NPAS3: variants seen among roughly 807,000 people sequenced by gnomAD.
The protein encoded by NPAS3 is neuronal PAS domain-containing protein 3.
A neutral mutation model predicts 73.1 loss-of-function variants in NPAS3; 14 were observed. That is an observed-to-expected ratio of 0.19 (90% CI 0.13 to 0.30). The LOEUF (loss-of-function observed/expected upper bound fraction) is 0.30, where lower values mean the gene tolerates loss of function less well. Among genes scored for constraint, NPAS3 ranks in the 10% least tolerant of loss-of-function variants. The pLI, the probability that NPAS3 is intolerant of heterozygous loss-of-function variation, is 1.00. For synonymous variants in NPAS3, 620 were observed against 541.5 expected (o/e 1.14, Z -2.01); for missense variants, 1,096 against 1,250.0 (o/e 0.88, Z 1.86).
chr14:33,077,507 G>A (rs2041699331), intron 2 of NPAS3, among the ~76,000 whole-genome samples: 1 of 152,060 alleles, frequency 6.6e-6, no homozygotes, highest in Admixed American at 6.5e-5. Flanking sequence ...TTGGATGAAA[G>A]GTTCTGTGAA....
chr14:33,194,393 C>T (rs142756934), intron 2 of NPAS3, among the ~76,000 whole-genome samples: 4 of 152,138 alleles, frequency 2.6e-5, no homozygotes, highest in South Asian at 2.1e-4. Context: ...GAACTTTGAG[C>T]GAAATATTAC....
chr14:33,580,473 G>A (rs1292072271), intron 5 of NPAS3, among the ~76,000 whole-genome samples: 1 of 152,132 alleles, frequency 6.6e-6, no homozygotes, highest in Non-Finnish European at 1.5e-5. Context: ...TATTTTAAAG[G>A]CCTAACTGTG....
chr14:33,028,995 G>A (rs1040291061), intron 1 of NPAS3, among the ~76,000 whole-genome samples: 7 of 152,058 alleles, frequency 4.6e-5, no homozygotes, highest in Admixed American at 4.6e-4. Flanking sequence ...CGCCCCTGAT[G>A]GGGGAGGTAT....
intron 2 of NPAS3, among the ~76,000 whole-genome samples, chr14:33,109,994 G>A (rs566650874): frequency 9.2e-5 from 14 of 151,526 alleles, no homozygotes; most frequent in Non-Finnish European, 1.6e-4. Context: ...GAACATTTAA[G>A]TACAACTCTA....
intron 1 of NPAS3, among the ~76,000 whole-genome samples, chr14:33,041,194 C>T (rs2040337006): frequency 6.6e-6 from 1 of 152,082 alleles, no homozygotes; most frequent in Non-Finnish European, 1.5e-5. Context: ...ATATTAATGG[C>T]CTCTAGTGAT....
At chr14:33,480,420 G>A (rs2051259135) in intron 4 of NPAS3, among the ~76,000 whole-genome samples, 2 of 152,248 alleles carry the variant, frequency 1.3e-5, no homozygotes, top group South Asian at 4.1e-4. Context: ...GATTAGTTCT[G>A]AAAAGGCAGA....
At chr14:32,946,463 A>T (rs991532657) in intron 1 of NPAS3, among the ~76,000 whole-genome samples, 1 of 151,854 alleles carries the variant, frequency 6.6e-6, no homozygotes, top group African/African-American at 2.4e-5. Context: ...GGTTGGTCTG[A>T]TACATAACAG....
chr14:33,249,909 C>CACAT, intron 3 of NPAS3, among the ~76,000 whole-genome samples: 1 of 141,256 alleles, frequency 7.1e-6, no homozygotes, highest in Middle Eastern at 3.7e-3. Flanking sequence ...ATCTGTCATA[C>CACAT]ACACACACAC....
At chr14:33,170,089 A>G (rs556682119) in intron 2 of NPAS3, among the ~76,000 whole-genome samples, 9 of 152,302 alleles carry the variant, frequency 5.9e-5, no homozygotes, top group Non-Finnish European at 8.8e-5. Flanking sequence ...ATGTGAGTAG[A>G]TGAATTAAAA....
At chr14:33,662,859 TGGGG>T (rs1397379020) in intron 5 of NPAS3, among the ~76,000 whole-genome samples, 5 of 144,298 alleles carry the variant, frequency 3.5e-5, no homozygotes, top group Non-Finnish European at 1.5e-5. Flanking sequence ...GCTGAGACAA[TGGGG>T]TTTTCCTTTT....
chr14:33,158,960 C>T (rs930032490), intron 2 of NPAS3, among the ~76,000 whole-genome samples: 1 of 152,002 alleles, frequency 6.6e-6, no homozygotes, highest in African/African-American at 2.4e-5. Context: ...GTCAGGAGTT[C>T]GAGACCAGCC....
At chr14:33,558,368 C>A (rs574775641) in intron 4 of NPAS3, among the ~76,000 whole-genome samples, 45 of 151,938 alleles carry the variant, frequency 3.0e-4, no homozygotes, top group Non-Finnish European at 4.6e-4. Context: ...TCAAGTGATT[C>A]TTGTGCCTCA....
intron 3 of NPAS3, among the ~76,000 whole-genome samples, chr14:33,243,773 A>C (rs1258338987): frequency 6.6e-6 from 1 of 152,094 alleles, no homozygotes; most frequent in Non-Finnish European, 1.5e-5. Context: ...CCAATTAAAA[A>C]AAAAAAAGTA....
At chr14:33,280,246 G>T (rs1245555470) in intron 3 of NPAS3, among the ~76,000 whole-genome samples, 1 of 152,064 alleles carries the variant, frequency 6.6e-6, no homozygotes, top group East Asian at 1.9e-4. Context: ...CCTTTTGGGT[G>T]ACAAATTGTA....
intron 5 of NPAS3, among the ~76,000 whole-genome samples, chr14:33,650,849 T>C (rs1237374115): frequency 6.6e-6 from 1 of 152,204 alleles, no homozygotes; most frequent in Non-Finnish European, 1.5e-5. Flanking sequence ...TCAAAGGACT[T>C]GGGTCCTTGT....
Position 33,323,515 on chromosome 14 carries a change from G to A in NPAS3, c.386-43671G>A, listed in dbSNP as rs78777598. Among the ~76,000 whole-genome samples the A allele has an allele frequency of 3.6e-3, 553 of 152,270 alleles. 25 individuals are homozygous for A. The East Asian group carries it at 0.097, about 27-fold the overall frequency. ...AGTAAACAGTTGAACTAGTGAATAC[G>A]TGGAAGATGGTAACAACTTTGTATG... On this transcript the variant is annotated intron_variant, in intron 3 of 11. Coordinates refer to ENST00000356141, the Ensembl canonical transcript of NPAS3.
chr14:33,181,633 A>G (rs1427549525), intron 2 of NPAS3, among the ~76,000 whole-genome samples: 1 of 152,232 alleles, frequency 6.6e-6, no homozygotes, highest in African/African-American at 2.4e-5. Context: ...TATGTTACCT[A>G]ATTGGTAACT....
At chr14:33,641,888 G>A (rs151037510) in intron 5 of NPAS3, among the ~76,000 whole-genome samples, 1 of 152,088 alleles carries the variant, frequency 6.6e-6, no homozygotes, top group Non-Finnish European at 1.5e-5. Context: ...GGTATGGTGA[G>A]AGTTTGCTGA....
intron 3 of NPAS3, among the ~76,000 whole-genome samples, chr14:33,276,606 CT>C (rs910098412): frequency 4.8e-4 from 72 of 151,340 alleles, no homozygotes; most frequent in Admixed American, 8.6e-4. Context: ...TAAGTTACTT[CT>C]TTTTTTTTCC....
Sources: gnomAD v4.1 joint callset for allele counts (sites outside exome capture counted in the v4.1 genomes callset) on GRCh38, gnomAD v4.1.1 for gene constraint, MANE v1.5 for transcripts, NCBI Gene and HGNC (gene_info 2026-07-23, HGNC 2026-07-21) for gene names.